ZNF354A: variants seen among roughly 807,000 people sequenced by gnomAD.
ZNF354A encodes zinc finger protein 354A.
A neutral mutation model predicts 53.3 loss-of-function variants in ZNF354A; 25 were observed. The observed-to-expected ratio is 0.47, with a 90% confidence interval of 0.34 to 0.66. ZNF354A has a LOEUF of 0.66. ZNF354A is among the 30% of genes least tolerant of loss of function. The pLI is 0.01. For synonymous variants in ZNF354A, 228 were observed against 249.0 expected, an observed-to-expected ratio of 0.92 and a Z score of 0.79; for missense variants, 586 against 716.8, an observed-to-expected ratio of 0.82 and a Z score of 2.08.
intron 2 of ZNF354A, among the ~76,000 whole-genome samples, chr5:178,728,521 G>C (rs1010605925): frequency 6.6e-6 from 1 of 152,006 alleles, no homozygotes; most frequent in Non-Finnish European, 1.5e-5. Flanking sequence ...TGGGTGCAGT[G>C]GCGCACATCT....
intron 4 of ZNF354A, among the ~76,000 whole-genome samples, chr5:178,719,726 T>C (rs1052674667): frequency 1.3e-5 from 2 of 152,052 alleles, no homozygotes; most frequent in East Asian, 3.9e-4. Flanking sequence ...GGCGGGCGGA[T>C]CACGAGGTCA....
At chr5:178,727,251 C>T in intron 2 of ZNF354A, 126 bp from the exon 3 acceptor site, 5 of 1,131,570 alleles carry the variant, frequency 4.4e-6, no homozygotes, top group Non-Finnish European at 6.0e-6. Flanking sequence ...GGTTCCAGAT[C>T]ATTCGTTTAA....
chr5:178,716,099 G>A (rs1765707979), intron 4 of ZNF354A, among the ~76,000 whole-genome samples: 1 of 151,976 alleles, frequency 6.6e-6, no homozygotes, highest in Non-Finnish European at 1.5e-5. Context: ...GTTTCACCAT[G>A]TTGGTCAGGC....
intron 4 of ZNF354A, among the ~76,000 whole-genome samples, chr5:178,724,924 T>C (rs538091092): frequency 1.3e-5 from 2 of 152,316 alleles, no homozygotes; most frequent in African/African-American, 4.8e-5. Flanking sequence ...CCAACTTTTC[T>C]AAGATACCAA....
intron 4 of ZNF354A, among the ~76,000 whole-genome samples, chr5:178,721,987 A>G (rs1403948631): frequency 6.6e-6 from 1 of 152,132 alleles, no homozygotes; most frequent in Non-Finnish European, 1.5e-5. Flanking sequence ...TTATTCTGCC[A>G]TCTAAATCTG....
At chr5:178,717,095 A>AAAT (rs1158971519) in intron 4 of ZNF354A, among the ~76,000 whole-genome samples, 1 of 151,346 alleles carries the variant, frequency 6.6e-6, no homozygotes, top group Non-Finnish European at 1.5e-5. Context: ...AAAAAAAAAA[A>AAAT]AGTAAACAAA....
chr5:178,727,677 G>C (rs1765937293), intron 2 of ZNF354A, among the ~76,000 whole-genome samples: 1 of 152,162 alleles, frequency 6.6e-6, no homozygotes, highest in South Asian at 2.1e-4. Context: ...ATTGATCTTA[G>C]AGCTTTATGT....
chr5:178,721,476 G>C (rs1765811693), intron 4 of ZNF354A, among the ~76,000 whole-genome samples: 1 of 152,120 alleles, frequency 6.6e-6, no homozygotes, highest in African/African-American at 2.4e-5. Flanking sequence ...TGTGCTCCAT[G>C]ACAGTGTAAG....
intron 4 of ZNF354A, among the ~76,000 whole-genome samples, chr5:178,719,264 G>C (rs182215404): frequency 9.7e-4 from 147 of 152,296 alleles, no homozygotes; most frequent in Non-Finnish European, 1.2e-3. Flanking sequence ...TAATTAAAAG[G>C]AACAGTTGAT....
Position 178,722,812 on chromosome 5 carries a change from C to T in ZNF354A, c.256+2564G>A, listed in dbSNP as rs578081526. On this transcript the variant is annotated intron_variant, in intron 4 of 4. Transcript: ENST00000335815. ...CAGATCTATTACACAGCGCTAAGCA[C>T]GAGGAGGGAAAATAAAGCACGGTGA... Among the ~76,000 whole-genome samples the T allele has an allele frequency of 5.3e-5, 8 of 152,240 alleles. No individual in the cohort carries two copies. The South Asian group carries it at 1.0e-3, about 20-fold the overall frequency.
Position 178,724,315 on chromosome 5 carries a change from C to T in ZNF354A, c.256+1061G>A, listed in dbSNP as rs1490474352. 4.0e-5 allele frequency among the ~76,000 whole-genome samples: 6 copies of T among 151,890 alleles called. No homozygotes were observed. In the East Asian group the frequency reaches 1.2e-3, roughly 29 times the overall value. ...TCTCGGCTCACTGCAACCTCCGCCT[C>T]CCGGGTTCAAGTGTTTCTCCTGTCT... On this transcript the variant is annotated intron_variant, in intron 4 of 4. Coordinates refer to ENST00000335815, the MANE Select transcript of ZNF354A (RefSeq NM_005649.3).
chr5:178,724,713 TCCTAA>T (rs1765872761), intron 4 of ZNF354A, among the ~76,000 whole-genome samples: 1 of 152,236 alleles, frequency 6.6e-6, no homozygotes. Context: ...AGGTGTGTCC[TCCTAA>T]CCTTTCTCTC....
chr5:178,724,778 G>C (rs747924593), intron 4 of ZNF354A, among the ~76,000 whole-genome samples: 1 of 152,114 alleles, frequency 6.6e-6, no homozygotes, highest in Non-Finnish European at 1.5e-5. Flanking sequence ...GACATAAATG[G>C]TGGCGTCCTA....
chr5:178,716,783 T>C (rs894444191), intron 4 of ZNF354A, among the ~76,000 whole-genome samples: 8 of 151,808 alleles, frequency 5.3e-5, no homozygotes, highest in Admixed American at 6.6e-5. Flanking sequence ...AATGATAAAA[T>C]AAGCCTGGAA....
chr5:178,730,177 T>C (rs970721355), intron 1 of ZNF354A, among the ~76,000 whole-genome samples: 1 of 152,260 alleles, frequency 6.6e-6, no homozygotes, highest in Non-Finnish European at 1.5e-5. Flanking sequence ...ACACCAGCTC[T>C]GAAGAGGAAA....
At chr5:178,716,935 C>T (rs535191655) in intron 4 of ZNF354A, among the ~76,000 whole-genome samples, 19 of 151,894 alleles carry the variant, frequency 1.3e-4, no homozygotes, top group Admixed American at 5.9e-4. Flanking sequence ...AAAAATCAGC[C>T]GGGTGTGGTG....
chr5:178,723,420 C>A (rs1294019519), intron 4 of ZNF354A, among the ~76,000 whole-genome samples: 4 of 152,216 alleles, frequency 2.6e-5, no homozygotes, highest in African/African-American at 9.6e-5. Flanking sequence ...TCTCAAGCAC[C>A]AACCAAACCC....
At chr5:178,719,347 T>C (rs932705929) in intron 4 of ZNF354A, among the ~76,000 whole-genome samples, 2 of 152,180 alleles carry the variant, frequency 1.3e-5, no homozygotes, top group Non-Finnish European at 2.9e-5. Flanking sequence ...ATGTGACAAT[T>C]TCTACAATAG....
intron 4 of ZNF354A, among the ~76,000 whole-genome samples, chr5:178,716,283 T>A (rs1258632844): frequency 6.6e-6 from 1 of 152,180 alleles, no homozygotes; most frequent in Non-Finnish European, 1.5e-5. Flanking sequence ...TGAAGTCTCT[T>A]AAGAGTCTTG....
Sources: gnomAD v4.1 joint callset for allele counts (sites outside exome capture counted in the v4.1 genomes callset) on GRCh38, gnomAD v4.1.1 for gene constraint, MANE v1.5 for transcripts, NCBI Gene and HGNC (gene_info 2026-07-23, HGNC 2026-07-21) for gene names.